Variants in THSD7B observed in about 807,000 individuals in gnomAD.
THSD7B encodes the protein thrombospondin type 1 domain containing 7B, also known as thrombospondin type-1 domain-containing protein 7B.
In THSD7B, 138 loss-of-function variants were observed where a neutral mutation model predicts 213.6. The observed-to-expected ratio is 0.65, with a 90% CI of 0.56 to 0.74. The LOEUF is 0.74. THSD7B is among the 30% of genes least tolerant of loss of function. The pLI is 0.00. For missense variants in THSD7B, 1,931 were observed against 1,991.5 expected (o/e 0.97, Z 0.58); for synonymous variants, 742 against 687.0 (o/e 1.08, Z -1.25).
intron 14 of THSD7B, among the ~76,000 whole-genome samples, chr2:137,447,274 A>G (rs947578206): frequency 4.0e-5 from 6 of 151,886 alleles, no homozygotes; most frequent in African/African-American, 1.5e-4. Flanking sequence ...GATGAGAATG[A>G]TTTAAAATCT....
intron 12 of THSD7B, among the ~76,000 whole-genome samples, chr2:137,377,208 C>T (rs893312611): frequency 5.3e-5 from 8 of 152,072 alleles, no homozygotes; most frequent in African/African-American, 1.9e-4. Context: ...TATGTTTCAT[C>T]AACTGACTGT....
intron 4 of THSD7B, 127 bp downstream of exon 4, chr2:137,095,248 C>T: frequency 4.5e-6 from 6 of 1,328,726 alleles, no homozygotes; most frequent in Non-Finnish European, 6.1e-6. Flanking sequence ...AAGTTCCATA[C>T]TTGGCAGCAT....
intron 1 of THSD7B, among the ~76,000 whole-genome samples, chr2:136,818,932 C>A (rs957745030): frequency 2.6e-5 from 4 of 152,110 alleles, no homozygotes. Context: ...AATATCCTAG[C>A]ATCTCAGTGG....
At chr2:136,825,911 A>T (rs941344330) in intron 1 of THSD7B, among the ~76,000 whole-genome samples, 2 of 151,990 alleles carry the variant, frequency 1.3e-5, no homozygotes, top group South Asian at 4.2e-4. Context: ...TGATTATTAA[A>T]TGAAAATAAT....
At chr2:137,583,555 A>C (rs1420573644) in intron 17 of THSD7B, among the ~76,000 whole-genome samples, 1 of 152,172 alleles carries the variant, frequency 6.6e-6, no homozygotes, top group Non-Finnish European at 1.5e-5. Context: ...CTTTCTACAT[A>C]TGGCTAGCCA....
intron 15 of THSD7B, among the ~76,000 whole-genome samples, chr2:137,511,921 A>G (rs911251421): frequency 1.3e-5 from 2 of 152,174 alleles, no homozygotes; most frequent in South Asian, 2.1e-4. Context: ...TGAGTCTGCA[A>G]ACACCAAATG....
At chr2:137,191,610 C>T (rs908400169) in intron 7 of THSD7B, among the ~76,000 whole-genome samples, 7 of 152,044 alleles carry the variant, frequency 4.6e-5, no homozygotes, top group African/African-American at 1.7e-4. Flanking sequence ...ACTATTCCAT[C>T]AACCTGGAGC....
chr2:137,318,196 A>G (rs542835298), intron 12 of THSD7B, among the ~76,000 whole-genome samples: 2 of 152,134 alleles, frequency 1.3e-5, no homozygotes, highest in Non-Finnish European at 2.9e-5. Context: ...TGGAGACTCA[A>G]ATGATATCAT....
chr2:137,175,783 T>A (rs999972767), intron 7 of THSD7B, among the ~76,000 whole-genome samples: 3 of 152,214 alleles, frequency 2.0e-5, no homozygotes, highest in Admixed American at 1.3e-4. Context: ...CTTTAAATGT[T>A]TTTACGTCTG....
chr2:137,301,725 T>G (rs1398147068), intron 12 of THSD7B, among the ~76,000 whole-genome samples: 1 of 151,886 alleles, frequency 6.6e-6, no homozygotes, highest in African/African-American at 2.4e-5. Context: ...AATGCAAAAG[T>G]CCCAGGTTAG....
At chr2:137,283,812 T>C (rs903048965) in intron 12 of THSD7B, among the ~76,000 whole-genome samples, 6 of 152,182 alleles carry the variant, frequency 3.9e-5, no homozygotes, top group South Asian at 4.2e-4. Context: ...AGTATTTTAT[T>C]GAGGGTTTTT....
At chr2:136,864,488 A>G (rs575226839) in intron 1 of THSD7B, among the ~76,000 whole-genome samples, 1 of 152,312 alleles carries the variant, frequency 6.6e-6, no homozygotes, top group Non-Finnish European at 1.5e-5. Flanking sequence ...CATAATTTTC[A>G]TCAGCTATAA....
intron 15 of THSD7B, among the ~76,000 whole-genome samples, chr2:137,546,403 ATT>A (rs1261294613): frequency 7.0e-5 from 3 of 42,822 alleles, no homozygotes; most frequent in East Asian, 6.6e-4. Flanking sequence ...TATTATATAT[ATT>A]ATATATATAT....
At chr2:137,200,519 A>T (rs554782453) in intron 7 of THSD7B, among the ~76,000 whole-genome samples, 1 of 152,146 alleles carries the variant, frequency 6.6e-6, no homozygotes, top group African/African-American at 2.4e-5. Context: ...AGCATAAATC[A>T]TAGTATTCCC....
chr2:136,816,292 T>C (rs926064434), intron 1 of THSD7B, among the ~76,000 whole-genome samples: 3 of 152,200 alleles, frequency 2.0e-5, no homozygotes, highest in Non-Finnish European at 2.9e-5. Context: ...CCTTACATTC[T>C]GGGGATTTGA....
chr2:137,161,393 G>A (rs1395149291), intron 6 of THSD7B, among the ~76,000 whole-genome samples: 1 of 152,064 alleles, frequency 6.6e-6, no homozygotes, highest in Non-Finnish European at 1.5e-5. Context: ...AGAATCCATG[G>A]CCAAACACTT....
intron 2 of THSD7B, among the ~76,000 whole-genome samples, chr2:136,974,424 C>T (rs1379719169): frequency 3.3e-5 from 5 of 152,048 alleles, no homozygotes; most frequent in Non-Finnish European, 7.4e-5. Context: ...TGTTCAGCTC[C>T]CATTTATAAG....
intron 15 of THSD7B, among the ~76,000 whole-genome samples, chr2:137,490,932 A>G (rs1688593059): frequency 6.6e-6 from 1 of 152,240 alleles, no homozygotes; most frequent in South Asian, 2.1e-4. Context: ...TTTTATCCAA[A>G]CATGGTTTTT....
intron 4 of THSD7B, among the ~76,000 whole-genome samples, chr2:137,108,747 C>T (rs1372867405): frequency 6.6e-6 from 1 of 152,236 alleles, no homozygotes; most frequent in Admixed American, 6.5e-5. Flanking sequence ...CAGATACACT[C>T]GTGAACCATT....
Sources: allele counts gnomAD v4.1 joint callset (sites outside exome capture counted in the v4.1 genomes callset), GRCh38; gene constraint gnomAD v4.1.1; transcripts MANE v1.5; gene names NCBI Gene and HGNC (gene_info 2026-07-23, HGNC 2026-07-21).